The following ZNF83 variants were observed in gnomAD, a reference collection of about 807,000 sequenced individuals.
The protein encoded by ZNF83 is zinc finger protein 816B.
For synonymous variants in ZNF83, 209 were observed against 213.0 expected (o/e 0.98, Z 0.17); for missense variants, 552 against 629.9 (o/e 0.88, Z 1.32).
chr19:52,684,225 C>T (rs1277489579), intron 1 of ZNF83, among the ~76,000 whole-genome samples: 3 of 151,918 alleles, frequency 2.0e-5, no homozygotes, highest in Non-Finnish European at 4.4e-5. Context: ...AAAAAGTAGC[C>T]TGGCTTGGTG....
intron 2 of ZNF83, among the ~76,000 whole-genome samples, chr19:52,622,452 G>A (rs970776958): frequency 2.6e-5 from 4 of 152,200 alleles, no homozygotes; most frequent in East Asian, 1.9e-4. Flanking sequence ...GTCCCACACT[G>A]ACACCTGCAG....
chr19:52,642,212 T>C (rs1476636767), upstream of ZNF83, among the ~76,000 whole-genome samples: 1 of 150,984 alleles, frequency 6.6e-6, no homozygotes, highest in Non-Finnish European at 1.5e-5. Context: ...ACAGAACTAT[T>C]TTAGGGTGAA....
chr19:52,645,215 G>C (rs1465080786), intron 3 of ZNF83, among the ~76,000 whole-genome samples: 1 of 151,992 alleles, frequency 6.6e-6, no homozygotes, highest in Admixed American at 6.6e-5. Context: ...TTGATGTTAC[G>C]GTAAAAGGTC....
upstream of ZNF83, among the ~76,000 whole-genome samples, chr19:52,638,801 AAGGAT>A (rs2147213882): frequency 6.6e-6 from 1 of 152,276 alleles, no homozygotes; most frequent in African/African-American, 2.4e-5. Context: ...TGCTCAGGCC[AAGGAT>A]GGGTGAGGTC....
At chr19:52,667,780 A>G (rs898199352) in intron 1 of ZNF83, among the ~76,000 whole-genome samples, 29 of 152,292 alleles carry the variant, frequency 1.9e-4, no homozygotes, top group African/African-American at 6.5e-4. Context: ...AGAGTCTATA[A>G]AAATCTTACC....
rs1302690332 is a variant in ZNF83 at position 52,614,819 on chromosome 19, CA to C, written c.-233-23del. 9 of 1,264,964 alleles carry C rather than the reference CA, an allele frequency of 7.1e-6. No individual in the cohort carries two copies. The Admixed American group carries it at 1.1e-4, about 16-fold the overall frequency. The allele number at this position is 1,264,964 out of a possible 1,614,324, so 78.4% of individuals were successfully genotyped here. A position where few individuals can be genotyped will look rare whatever the true frequency, so the allele number is the denominator to read the frequency against. On this transcript the variant is annotated intron_variant, in intron 2 of 2. Coordinates refer to ENST00000301096, the Ensembl canonical transcript of ZNF83. ...ATACCTACAAGATATAAGGATCCCA[CA>C]GTTTCCAATTAATTACAGATAGTCA...
At chr19:52,669,777 T>C (rs527941643) in intron 1 of ZNF83, among the ~76,000 whole-genome samples, 4 of 152,308 alleles carry the variant, frequency 2.6e-5, no homozygotes, top group African/African-American at 9.6e-5. Flanking sequence ...TCTTGTCAGG[T>C]GCTCTGTCAC....
At chr19:52,626,213 G>A (rs2040292419) in intron 2 of ZNF83, among the ~76,000 whole-genome samples, 1 of 152,132 alleles carries the variant, frequency 6.6e-6, no homozygotes, top group Non-Finnish European at 1.5e-5. Flanking sequence ...TTCAACTTCT[G>A]TCACGACCTT....
intron 2 of ZNF83, among the ~76,000 whole-genome samples, chr19:52,624,874 C>T (rs946828164): frequency 6.6e-6 from 1 of 152,128 alleles, no homozygotes; most frequent in Non-Finnish European, 1.5e-5. Context: ...GATGCATATA[C>T]TTTTTGCTCC....
chr19:52,671,632 GT>G (rs2061728037), intron 1 of ZNF83, among the ~76,000 whole-genome samples: 1 of 152,028 alleles, frequency 6.6e-6, no homozygotes, highest in Non-Finnish European at 1.5e-5. Context: ...TTGTAGAGGG[GT>G]GGTCCCACTA....
chr19:52,642,143 G>C (rs531120269), upstream of ZNF83, among the ~76,000 whole-genome samples: 36 of 152,156 alleles, frequency 2.4e-4, no homozygotes, highest in African/African-American at 8.4e-4. Context: ...CAGAGGGACG[G>C]GTTCTGTCCC....
intron 1 of ZNF83, chr19:52,635,833 A>C (rs1218717969): frequency 6.6e-6 from 1 of 152,080 alleles, no homozygotes; most frequent in East Asian, 1.9e-4. Context: ...CATCTCTACT[A>C]AAAATACAAA....
intron 2 of ZNF83, among the ~76,000 whole-genome samples, chr19:52,660,188 A>G (rs528112841): frequency 3.9e-5 from 6 of 152,282 alleles, no homozygotes; most frequent in African/African-American, 1.4e-4. Flanking sequence ...GAAATTTTGC[A>G]TAGTCTTAGT....
exon 3 of ZNF83, chr19:52,613,362 G>A (rs768323252): frequency 9.3e-6 from 15 of 1,613,840 alleles, no homozygotes; most frequent in East Asian, 2.2e-5. Context: ...CATCACATTT[G>A]TAAGGTTTCT....
intron 2 of ZNF83, chr19:52,655,789 G>T: frequency 1.7e-6 from 1 of 597,922 alleles, no homozygotes; most frequent in Non-Finnish European, 3.0e-6. Context: ...CCAAGACGGT[G>T]TTCTGACAAA....
At chr19:52,674,169 T>C (rs1039995879) in intron 1 of ZNF83, 6 of 152,222 alleles carry the variant, frequency 3.9e-5, no homozygotes, top group African/African-American at 7.2e-5. Flanking sequence ...CCTTAAGCCT[T>C]TCAAAAGATC....
At chr19:52,660,579 G>T (rs2061566962) in intron 2 of ZNF83, among the ~76,000 whole-genome samples, 1 of 152,170 alleles carries the variant, frequency 6.6e-6, no homozygotes, top group South Asian at 2.1e-4. Flanking sequence ...GATTGCTCCA[G>T]TGAACTCCAG....
chr19:52,662,140 G>A (rs1441716912), intron 1 of ZNF83, among the ~76,000 whole-genome samples: 10 of 152,102 alleles, frequency 6.6e-5, no homozygotes, highest in Admixed American at 4.6e-4. Context: ...ATTTTCTCAC[G>A]CCTTTCATGT....
intron 1 of ZNF83, among the ~76,000 whole-genome samples, chr19:52,684,938 C>T (rs75936415): frequency 2.0e-5 from 3 of 152,226 alleles, no homozygotes; most frequent in African/African-American, 4.8e-5. Flanking sequence ...CACGGGAAGC[C>T]GGTGGAGGGT....
Sources: allele counts gnomAD v4.1 joint callset (sites outside exome capture counted in the v4.1 genomes callset), GRCh38; gene constraint gnomAD v4.1.1; transcripts MANE v1.5; gene names NCBI Gene and HGNC (gene_info 2026-07-23, HGNC 2026-07-21).